EYS: variants seen among roughly 807,000 people sequenced by gnomAD.
The protein encoded by EYS is EGF-like photoreceptor maintenance factor.
In EYS, 250 loss-of-function variants were observed where a neutral mutation model predicts 282.1. That is an observed-to-expected ratio of 0.89 (90% CI 0.80 to 0.98). The LOEUF is 0.98. Ranked by LOEUF, EYS falls within the 50% of genes least tolerant of loss-of-function variation. The pLI is 0.00. For synonymous variants in EYS, 1,355 were observed against 1,282.9 expected (o/e 1.06, Z -1.20); for missense variants, 4,016 against 3,709.0 (o/e 1.08, Z -2.15).
rs1239587032 is a variant in EYS, at chr6:65,265,207, A to C, written c.2023+30656T>G. 2.0e-5 allele frequency among the ~76,000 whole-genome samples: 3 copies of C among 152,052 alleles called. 1 individual carries two copies. The highest frequency in any genetic ancestry group is 2.0e-4 in the Admixed American group (3 of 15,216). On this transcript the variant is annotated intron_variant, in intron 12 of 42. Coordinates refer to ENST00000503581, the MANE Select transcript of EYS (RefSeq NM_001142800.2). ...ACTTCAGTATCATGCCCTATACCCTAGGTAACAAACCTACACACGTACCCT... is the reference window on the plus strand; with the variant it reads ...ACTTCAGTATCATGCCCTATACCCTCGGTAACAAACCTACACACGTACCCT...
At chr6:65,119,332 AAGTCATCATCTTATACCAAGGCACAAGG>A (rs1775461065) in intron 12 of EYS, among the ~76,000 whole-genome samples, 1 of 152,306 alleles carries the variant, frequency 6.6e-6, no homozygotes, top group South Asian at 2.1e-4. Context: ...CTTCCAGTAA[AAGTCATCATCTTATACCAAGGCACAAGG>A]AGCTACCACG....
chr6:65,416,283 A>G (rs1767229483), intron 5 of EYS, among the ~76,000 whole-genome samples: 1 of 151,970 alleles, frequency 6.6e-6, no homozygotes, highest in African/African-American at 2.4e-5. Flanking sequence ...AGAGTACAGT[A>G]CATTTTTCAT....
At chr6:64,500,135 T>G (rs537475350) in intron 26 of EYS, among the ~76,000 whole-genome samples, 1 of 152,260 alleles carries the variant, frequency 6.6e-6, no homozygotes, top group African/African-American at 2.4e-5. Flanking sequence ...ATCATTTTTT[T>G]CAGATTCCCT....
At chr6:63,739,182 G>A (rs1158151934) in intron 41 of EYS, among the ~76,000 whole-genome samples, 1 of 152,060 alleles carries the variant, frequency 6.6e-6, no homozygotes, top group Non-Finnish European at 1.5e-5. Context: ...GCCAGCTAGA[G>A]CTCCTTCAAG....
intron 12 of EYS, among the ~76,000 whole-genome samples, chr6:65,259,991 A>G (rs1767577851): frequency 6.6e-6 from 1 of 152,090 alleles, no homozygotes; most frequent in Non-Finnish European, 1.5e-5. Context: ...TCATACTGCT[A>G]TAAAGAACGG....
chr6:63,917,129 T>C (rs1254533533), intron 35 of EYS, among the ~76,000 whole-genome samples: 4 of 152,280 alleles, frequency 2.6e-5, no homozygotes, highest in Non-Finnish European at 4.4e-5. Flanking sequence ...CAGTGTCATG[T>C]AACTGTGTGT....
chr6:64,047,285 A>C (rs890690985), intron 33 of EYS, among the ~76,000 whole-genome samples: 3 of 152,218 alleles, frequency 2.0e-5, no homozygotes, highest in Non-Finnish European at 4.4e-5. Flanking sequence ...GGTTGTTATT[A>C]AAAATGATCT....
At chr6:65,406,643 T>C (rs1423342725) in intron 5 of EYS, among the ~76,000 whole-genome samples, 1 of 152,126 alleles carries the variant, frequency 6.6e-6, no homozygotes, top group Non-Finnish European at 1.5e-5. Context: ...ACACATACAA[T>C]TGTTATGACA....
intron 8 of EYS, among the ~76,000 whole-genome samples, chr6:65,361,869 C>A (rs1440225099): frequency 6.6e-6 from 1 of 152,004 alleles, no homozygotes; most frequent in Non-Finnish European, 1.5e-5. Flanking sequence ...ACAACTAAAG[C>A]CTCTTATTTT....
chr6:65,069,608 T>C (rs1448566258), intron 12 of EYS, among the ~76,000 whole-genome samples: 1 of 151,998 alleles, frequency 6.6e-6, no homozygotes, highest in Non-Finnish European at 1.5e-5. Context: ...GTAGCTTCTG[T>C]GGTTTTTCTA....
intron 11 of EYS, among the ~76,000 whole-genome samples, chr6:65,296,908 A>G (rs1768682579): frequency 6.6e-6 from 1 of 151,326 alleles, no homozygotes; most frequent in African/African-American, 2.4e-5. Flanking sequence ...TATGTTGGCT[A>G]TCAACAAAAG....
At chr6:64,285,675 AAG>A in intron 30 of EYS, among the ~76,000 whole-genome samples, 1 of 152,320 alleles carries the variant, frequency 6.6e-6, no homozygotes, top group African/African-American at 2.4e-5. Flanking sequence ...TGGGAAGAAA[AAG>A]AGGTTTAATT....
At chr6:64,678,334 G>T (rs188659844) in intron 22 of EYS, among the ~76,000 whole-genome samples, 19 of 152,240 alleles carry the variant, frequency 1.2e-4, no homozygotes, top group African/African-American at 3.6e-4. Flanking sequence ...TCCCAGCACT[G>T]TGGGAGGCCA....
intron 1 of EYS, among the ~76,000 whole-genome samples, chr6:65,670,895 A>G (rs1364393834): frequency 2.6e-5 from 4 of 152,064 alleles, no homozygotes; most frequent in Admixed American, 2.0e-4. Flanking sequence ...AACACATTTT[A>G]TATGAATGGC....
intron 13 of EYS, among the ~76,000 whole-genome samples, chr6:65,043,800 T>G (rs1475320907): frequency 6.6e-6 from 1 of 151,680 alleles, no homozygotes. Flanking sequence ...GACACTTAGG[T>G]TGATTCCATC....
chr6:64,630,468 A>G (rs1025799977), intron 22 of EYS, among the ~76,000 whole-genome samples: 4 of 152,130 alleles, frequency 2.6e-5, no homozygotes, highest in Admixed American at 6.6e-5. Flanking sequence ...TGCATCCATT[A>G]AGATCATTAT....
At position 64,420,570 on chromosome 6, in the gene EYS, C is replaced by T. The variant is rs1047639251; in HGVS notation, c.5927+15604G>A. On this transcript the variant is annotated intron_variant, in intron 28 of 42. Coordinates refer to ENST00000503581, the MANE Select transcript of EYS (RefSeq NM_001142800.2). ...TTGGAGCTTACACCCTCTGAAGCCACAGCTAGAGCTGTATTTTGTGACTTT... is the reference window on the plus strand; with the variant it reads ...TTGGAGCTTACACCCTCTGAAGCCATAGCTAGAGCTGTATTTTGTGACTTT... 1.8e-4 allele frequency among the ~76,000 whole-genome samples: 27 copies of T among 152,320 alleles called. No homozygotes were observed. In the Middle Eastern group the frequency reaches 0.01, roughly 58 times the overall value.
At chr6:64,863,520 G>A (rs1335917489) in intron 19 of EYS, among the ~76,000 whole-genome samples, 3 of 151,982 alleles carry the variant, frequency 2.0e-5, no homozygotes, top group Admixed American at 1.3e-4. Context: ...CAGTATATAA[G>A]GTTTGCATAT....
At chr6:65,380,596 G>A (rs1221475846) in intron 8 of EYS, among the ~76,000 whole-genome samples, 1 of 152,064 alleles carries the variant, frequency 6.6e-6, no homozygotes, top group African/African-American at 2.4e-5. Flanking sequence ...AAAAGCAATT[G>A]CAACAAAAGC....
Sources: allele counts gnomAD v4.1 joint callset (sites outside exome capture counted in the v4.1 genomes callset), GRCh38; gene constraint gnomAD v4.1.1; transcripts MANE v1.5; gene names NCBI Gene and HGNC (gene_info 2026-07-23, HGNC 2026-07-21).